The following SAMD12 variants were observed in gnomAD, a reference collection of about 807,000 sequenced individuals.
The protein encoded by SAMD12 is sterile alpha motif domain containing 12, also known as sterile alpha motif domain-containing protein 12.
SAMD12 carries 9 observed loss-of-function variants against 15.0 expected under a neutral mutation model. The ratio of observed to expected loss-of-function variants is 0.60; its 90% CI spans 0.36 to 1.05. SAMD12 has a LOEUF of 1.05. Ranked by LOEUF, SAMD12 falls within the 50% of genes least tolerant of loss-of-function variation. The pLI, the probability that SAMD12 is intolerant of heterozygous loss-of-function variation, is 0.01. For synonymous variants in SAMD12, 86 were observed against 90.1 expected, an observed-to-expected ratio of 0.96 and a Z score of 0.25; for missense variants, 230 against 234.2, an observed-to-expected ratio of 0.98 and a Z score of 0.12.
intron 2 of SAMD12, among the ~76,000 whole-genome samples, chr8:118,460,672 A>C (rs73313473): frequency 0.018 from 2,734 of 152,256 alleles, 78 homozygotes; most frequent in African/African-American, 0.063. Flanking sequence ...TGAGAGGGGA[A>C]CATTACTGGA....
At chr8:118,557,352 GTTAA>G (rs1826567118) in intron 2 of SAMD12, among the ~76,000 whole-genome samples, 1 of 152,228 alleles carries the variant, frequency 6.6e-6, no homozygotes, top group Non-Finnish European at 1.5e-5. Context: ...AGAACTGTGA[GTTAA>G]TTAAACTTCT....
At chr8:118,555,940 AC>A (rs1204859296) in intron 2 of SAMD12, among the ~76,000 whole-genome samples, 3 of 152,218 alleles carry the variant, frequency 2.0e-5, no homozygotes, top group Admixed American at 2.0e-4. Flanking sequence ...AGGCACAATT[AC>A]CAGTCCTTGG....
intron 2 of SAMD12, among the ~76,000 whole-genome samples, chr8:118,512,075 ACTC>A (rs376207792): frequency 1.4e-4 from 21 of 151,766 alleles, no homozygotes; most frequent in African/African-American, 4.8e-4. Flanking sequence ...CTCTGCATCC[ACTC>A]CTCCTCATTT....
At chr8:118,370,584 C>T (rs758620108) in intron 4 of SAMD12, among the ~76,000 whole-genome samples, 29 of 152,134 alleles carry the variant, frequency 1.9e-4, no homozygotes, top group Non-Finnish European at 3.4e-4. Context: ...TACATATACA[C>T]CATGGAATAC....
Position 118,439,869 on chromosome 8 carries a change from C to T in SAMD12, c.285G>A (p.Gln95=). 6.2e-7 allele frequency: 1 copy of T among 1,613,638 alleles called. No individual in the cohort carries two copies. Residue 95 remains glutamine (Q), a synonymous_variant, in exon 3 of 4, where the codon CAG becomes CAA. Transcript: ENST00000314727. ...GCTGTTTGAATGACTCACTGTAGAT[C>T]TGATACTGATTCGGACAATGTTTCT... The part of the protein sequence containing the change: ...WLKKHCPNQY[Q]IYSESFKQHD...
chr8:118,517,228 C>T (rs6983720), intron 2 of SAMD12, among the ~76,000 whole-genome samples: 105,719 of 152,024 alleles, frequency 0.7, 38,072 homozygotes, highest in African/African-American at 0.9. Context: ...TTGAACTGCG[C>T]CTGAATAAAG....
At chr8:118,250,501 G>T (rs1429441692) in intron 4 of SAMD12, among the ~76,000 whole-genome samples, 1 of 148,062 alleles carries the variant, frequency 6.8e-6, no homozygotes, top group East Asian at 1.9e-4. Context: ...AGGCAAAAAT[G>T]GATTTTTTTT....
At chr8:118,143,302 T>A in the SAMD12 span, among the ~76,000 whole-genome samples, 2 of 152,296 alleles carry the variant, frequency 1.3e-5, no homozygotes, top group African/African-American at 4.8e-5. Context: ...CCCAAGTCAA[T>A]TTACATAAAT....
At chr8:118,165,614 G>GTATATA in the SAMD12 span, among the ~76,000 whole-genome samples, 44 of 120,436 alleles carry the variant, frequency 3.7e-4, no homozygotes, top group Middle Eastern at 4.2e-3. Flanking sequence ...ATATATATAT[G>GTATATA]TATATATATA....
At chr8:118,299,005 G>A (rs1814875895) in intron 4 of SAMD12, among the ~76,000 whole-genome samples, 1 of 152,080 alleles carries the variant, frequency 6.6e-6, no homozygotes, top group African/African-American at 2.4e-5. Context: ...TTTCATATAA[G>A]GTAGTGTGGA....
chr8:118,516,813 T>C (rs564314556), intron 2 of SAMD12, among the ~76,000 whole-genome samples: 127 of 151,978 alleles, frequency 8.4e-4, no homozygotes, highest in Non-Finnish European at 5.4e-4. Context: ...TAATCTTCTG[T>C]ATTTTAGTAG....
At chr8:118,447,103 C>G (rs983229909) in intron 2 of SAMD12, among the ~76,000 whole-genome samples, 2 of 152,092 alleles carry the variant, frequency 1.3e-5, no homozygotes, top group African/African-American at 4.8e-5. Context: ...TCGTCTTTCT[C>G]TTGTACTCCA....
intron 4 of SAMD12, among the ~76,000 whole-genome samples, chr8:118,296,249 C>T (rs987735407): frequency 6.6e-6 from 1 of 152,182 alleles, no homozygotes; most frequent in African/African-American, 2.4e-5. Context: ...TATCTCACTG[C>T]TCTCCAAACC....
intron 2 of SAMD12, among the ~76,000 whole-genome samples, chr8:118,462,687 G>A (rs1334300066): frequency 2.0e-5 from 3 of 152,178 alleles, no homozygotes; most frequent in African/African-American, 7.2e-5. Context: ...AAGTAAGGAT[G>A]AGAAATGAGG....
chr8:118,266,431 A>C (rs1813201283), intron 4 of SAMD12, among the ~76,000 whole-genome samples: 1 of 152,132 alleles, frequency 6.6e-6, no homozygotes, highest in Non-Finnish European at 1.5e-5. Flanking sequence ...AATGGTATGG[A>C]ACTTCCTTAA....
chr8:118,344,348 G>A (rs574693140), intron 4 of SAMD12, among the ~76,000 whole-genome samples: 5 of 152,318 alleles, frequency 3.3e-5, no homozygotes, highest in East Asian at 3.9e-4. Flanking sequence ...GGCCAACTTC[G>A]TAAGAATTAC....
intron 4 of SAMD12, among the ~76,000 whole-genome samples, chr8:118,214,132 A>G (rs888067365): frequency 1.2e-4 from 19 of 152,180 alleles, no homozygotes; most frequent in African/African-American, 3.9e-4. Flanking sequence ...ACAAGCATGA[A>G]TCACTGTGGA....
chr8:118,197,284 T>C (rs6996543), exon 5 of SAMD12: 5,062 of 217,450 alleles, frequency 0.023, 122 homozygotes, highest in African/African-American at 0.065. Context: ...ACACTTCCAC[T>C]GAGATTGCAG....
chr8:118,431,231 A>G (rs1822396179), intron 3 of SAMD12, among the ~76,000 whole-genome samples: 1 of 152,164 alleles, frequency 6.6e-6, no homozygotes, highest in Admixed American at 6.5e-5. Flanking sequence ...ATGGTATAAA[A>G]CCCAGTGTAT....
Sources: gnomAD v4.1 joint callset for allele counts (sites outside exome capture counted in the v4.1 genomes callset) on GRCh38, gnomAD v4.1.1 for gene constraint, MANE v1.5 for transcripts, NCBI Gene and HGNC (gene_info 2026-07-23, HGNC 2026-07-21) for gene names.